Variants in BRI3BP observed in about 807,000 individuals in gnomAD.
The protein encoded by BRI3BP is BRI3-binding protein.
Under a neutral mutation model 15.8 loss-of-function variants are expected in BRI3BP, and 7 were observed. That is an observed-to-expected ratio of 0.44 (90% CI 0.25 to 0.83). The LOEUF is 0.83. Among genes scored for constraint, BRI3BP ranks in the 40% least tolerant of loss-of-function variants. The probability of loss-of-function intolerance (pLI) is 0.20; values close to 1 mark genes in which losing one functional copy is unlikely to be tolerated. For missense variants in BRI3BP, 320 were observed against 339.3 expected (o/e 0.94, Z 0.45); for synonymous variants, 192 against 163.5 (o/e 1.17, Z -1.33).
At chr12:125,044,605 C>T in the BRI3BP span, among the ~76,000 whole-genome samples, 3 of 151,788 alleles carry the variant, frequency 2.0e-5, no homozygotes, top group Non-Finnish European at 4.4e-5. Flanking sequence ...TGCGCCACCA[C>T]ACCCAGTTAA....
chr12:125,004,724 C>T (rs1003141592), intron 1 of BRI3BP, among the ~76,000 whole-genome samples: 3 of 152,086 alleles, frequency 2.0e-5, no homozygotes. Context: ...CCTTTTCTGT[C>T]CCAGGATCCC....
At chr12:125,038,879 C>G in the BRI3BP span, among the ~76,000 whole-genome samples, 2 of 152,160 alleles carry the variant, frequency 1.3e-5, no homozygotes, top group African/African-American at 2.4e-5. Flanking sequence ...CACCTGAGAT[C>G]AGGGGTTCAA....
At chr12:125,012,699 A>C in intron 2 of BRI3BP, 63 bp downstream of exon 2, 1 of 1,277,684 alleles carries the variant, frequency 7.8e-7, no homozygotes, top group South Asian at 1.2e-5. Flanking sequence ...CATAGTGTGG[A>C]ACTGGTACTC....
the BRI3BP span, among the ~76,000 whole-genome samples, chr12:125,045,288 C>T: frequency 1.3e-5 from 2 of 152,242 alleles, no homozygotes; most frequent in African/African-American, 4.8e-5. Flanking sequence ...TGATCAAACC[C>T]GTTTAAGTCT....
rs1265223224 is a variant in BRI3BP at position 125,026,641 on chromosome 12, G to A, written c.*1211G>A. 1 of 151,968 alleles carries A rather than the reference G, an allele frequency of 6.6e-6. No homozygotes were observed. The highest frequency in any genetic ancestry group is 1.5e-5 in the Non-Finnish European group (1 of 68,008). The allele number at this position is 151,968 out of a possible 1,614,324, so 9.4% of individuals were successfully genotyped here. A position where few individuals can be genotyped will look rare whatever the true frequency, so the allele number is the denominator to read the frequency against. ...GGCTGGTAGAAACCCCCTTTTGTTA[G>A]GACTTGTTTTTTAAAAAAGAAAGCC... On this transcript the variant is annotated 3_prime_UTR_variant, in exon 3 of 3. Coordinates refer to ENST00000341446, the MANE Select transcript of BRI3BP (RefSeq NM_080626.6).
At chr12:125,018,487 C>T (rs899635816) in intron 2 of BRI3BP, among the ~76,000 whole-genome samples, 3 of 151,938 alleles carry the variant, frequency 2.0e-5, no homozygotes, top group Admixed American at 6.6e-5. Flanking sequence ...GAGAAGGCCA[C>T]GTGAAGGCAG....
chr12:125,025,130 G>C lies in BRI3BP; in HGVS notation c.456G>C (p.Val152=), dbSNP rs1334194853. The change falls in exon 3 of 3, where the codon GTG becomes GTC. Residue 152 remains valine, a synonymous_variant. Coordinates refer to ENST00000341446, the MANE Select transcript of BRI3BP (RefSeq NM_080626.6). ...TLGFTFSVLH[V]VFGRFFWIVR... ...GCTTCACTTTCAGCGTCCTGCACGT[G>C]GTGTTCGGCCGCTTCTTCTGGATCG... 5.6e-6 allele frequency: 9 copies of C among 1,613,966 alleles called. No homozygotes were observed. In the Admixed American group the frequency reaches 8.3e-5, roughly 15 times the overall value.
At chr12:125,005,215 T>G (rs1955131060) in intron 1 of BRI3BP, among the ~76,000 whole-genome samples, 1 of 152,114 alleles carries the variant, frequency 6.6e-6, no homozygotes, top group Admixed American at 6.6e-5. Flanking sequence ...TGAGACTGGG[T>G]GATGGGTTTT....
chr12:125,047,260 T>G, the BRI3BP span, among the ~76,000 whole-genome samples: 5 of 152,012 alleles, frequency 3.3e-5, no homozygotes, highest in South Asian at 2.1e-4. Flanking sequence ...GCCATTCTCC[T>G]GCCTCAGCCT....
Position 125,025,256 on chromosome 12 carries a change from C to T in BRI3BP, c.582C>T (p.Val194=), listed in dbSNP as rs776775028. The change falls in exon 3 of 3, where the codon GTC becomes GTT. Residue 194 remains valine (V), a synonymous_variant. Coordinates refer to ENST00000341446, the MANE Select transcript of BRI3BP (RefSeq NM_080626.6). ...TGCCGCTGTGCTTCGTGGTGGCCGTCTACTTCATGACCGGGCCCATGGGCT... is the reference window on the plus strand; with the variant it reads ...TGCCGCTGTGCTTCGTGGTGGCCGTTTACTTCATGACCGGGCCCATGGGCT... The part of the protein sequence containing the change: ...AVLPLCFVVA[V]YFMTGPMGFY... 8.7e-6 allele frequency: 14 copies of T among 1,614,042 alleles called. No individual in the cohort carries two copies. The highest frequency in any genetic ancestry group is 1.2e-5 in the Non-Finnish European group (14 of 1,180,042).
rs58016016 is a variant in BRI3BP at position 125,016,825 on chromosome 12, C to CT, written c.316+4216dup. On this transcript the variant is annotated intron_variant, in intron 2 of 2. Coordinates refer to ENST00000341446, the MANE Select transcript of BRI3BP (RefSeq NM_080626.6). ...ACGGGCATGAGCCACTGCGCCCAGCCTTTTTTTTTTTTTTTTTTTTTTTTT... is the reference window on the plus strand; with the variant it reads ...ACGGGCATGAGCCACTGCGCCCAGCCTTTTTTTTTTTTTTTTTTTTTTTTTT... Among the ~76,000 whole-genome samples the CT allele has an allele frequency of 8.7e-3, 347 of 39,796 alleles. 49 individuals are homozygous for CT. The highest frequency in any genetic ancestry group is 0.025 in the Middle Eastern group (1 of 40). 26.1% of individuals were successfully genotyped at this position (39,796 alleles called of 152,430 possible).
rs1005946482 is a variant in BRI3BP, at chr12:125,028,554, A to T, written c.*3124A>T. 6.6e-6 allele frequency: 1 copy of T among 152,174 alleles called. No homozygotes were observed. Among genetic ancestry groups the T allele is most frequent in the African/African-American group, 2.4e-5 (1 of 41,434 alleles). The allele number at this position is 152,174 out of a possible 1,614,324, so 9.4% of individuals were successfully genotyped here. ...TCTGAAGCCAGTTTTATAGCTTGAT[A>T]CATTCTGGTGAAAGATGTCTTCATT... is the stretch of plus-strand genomic sequence containing the variant. On this transcript the variant is annotated 3_prime_UTR_variant, in exon 3 of 3. Transcript: ENST00000341446.
In BRI3BP at chr12:125,019,635, CTTTT is replaced by C. The variant is rs1205730966; in HGVS notation, c.317-5337_317-5334del. On this transcript the variant is annotated intron_variant, in intron 2 of 2. Coordinates refer to ENST00000341446, the MANE Select transcript of BRI3BP (RefSeq NM_080626.6). ...ATATCTTATTAACATTAATTCCACC[CTTTT>C]TTTTTTTTTTTTTTTTTTGCCTTTT... Among the ~76,000 whole-genome samples the C allele has an allele frequency of 8.3e-3, 273 of 33,034 alleles. 5 individuals carry two copies. Among genetic ancestry groups the C allele is most frequent in the Middle Eastern group, 0.014 (1 of 72 alleles). The allele number at this position is 33,034 out of a possible 152,430, so 21.7% of individuals were successfully genotyped here.
chr12:125,049,589 A>C, the BRI3BP span, among the ~76,000 whole-genome samples: 1 of 152,042 alleles, frequency 6.6e-6, no homozygotes, highest in Non-Finnish European at 1.5e-5. Context: ...TATCAAGGTG[A>C]CAGCGCCCGG....
chr12:125,010,497 G>C (rs1190876660), intron 1 of BRI3BP, among the ~76,000 whole-genome samples: 2 of 152,182 alleles, frequency 1.3e-5, no homozygotes, highest in South Asian at 4.1e-4. Flanking sequence ...TGCTGTAGCC[G>C]GCCAGGCATG....
At chr12:125,037,090 G>GC in the BRI3BP span, among the ~76,000 whole-genome samples, 1 of 152,210 alleles carries the variant, frequency 6.6e-6, no homozygotes, top group African/African-American at 2.4e-5. Context: ...ACAAAGTTTT[G>GC]CTGTTATTGC....
At chr12:125,005,787 A>G (rs75128225) in intron 1 of BRI3BP, among the ~76,000 whole-genome samples, 1 of 151,682 alleles carries the variant, frequency 6.6e-6, no homozygotes, top group Non-Finnish European at 1.5e-5. Flanking sequence ...AAAAAAAAAA[A>G]AGATCTAGAG....
chr12:125,024,934 G>A, intron 2 of BRI3BP, 57 bp from the exon 3 acceptor site: 3 of 1,473,400 alleles, frequency 2.0e-6, no homozygotes, highest in Non-Finnish European at 2.8e-6. Context: ...ATTCTAGCTT[G>A]TTAAGAAACC....
At chr12:125,020,957 G>T (rs2135998429) in intron 2 of BRI3BP, among the ~76,000 whole-genome samples, 1 of 152,250 alleles carries the variant, frequency 6.6e-6, no homozygotes, top group Admixed American at 6.5e-5. Flanking sequence ...TTCTGCTATG[G>T]AAAATATATC....
Sources: allele counts gnomAD v4.1 joint callset (sites outside exome capture counted in the v4.1 genomes callset), GRCh38; gene constraint gnomAD v4.1.1; transcripts MANE v1.5; gene names NCBI Gene and HGNC (gene_info 2026-07-23, HGNC 2026-07-21).